Variants in LGI2 observed in about 807,000 individuals in gnomAD.
LGI2 encodes leucine-rich repeat LGI family member 2.
Under a neutral mutation model 52.0 loss-of-function variants are expected in LGI2, and 30 were observed. The ratio of observed to expected loss-of-function variants is 0.58; its 90% confidence interval spans 0.43 to 0.78. The LOEUF is 0.78. Ranked by LOEUF, LGI2 falls within the 30% of genes least tolerant of loss-of-function variation. The pLI is 0.00. For synonymous variants in LGI2, 270 were observed against 271.8 expected, an observed-to-expected ratio of 0.99 and a Z score of 0.06; for missense variants, 573 against 692.5, an observed-to-expected ratio of 0.83 and a Z score of 1.94.
chr4:25,008,165 T>C (rs7666435), intron 7 of LGI2, among the ~76,000 whole-genome samples: 14,150 of 152,200 alleles, frequency 0.093, 1,058 homozygotes, highest in African/African-American at 0.21. Context: ...ATTCCCTACG[T>C]TCATGCAAGT....
At chr4:24,993,364 GA>G in the LGI2 span, among the ~76,000 whole-genome samples, 1 of 152,184 alleles carries the variant, frequency 6.6e-6, no homozygotes, top group Non-Finnish European at 1.5e-5. Flanking sequence ...ATGGGGATAT[GA>G]AAGTGGCTGC....
At chr4:25,016,876 T>C (rs1725780318) in intron 6 of LGI2, among the ~76,000 whole-genome samples, 1 of 152,180 alleles carries the variant, frequency 6.6e-6, no homozygotes, top group Admixed American at 6.5e-5. Flanking sequence ...TCAGCCTGAA[T>C]GTTTATTTTT....
At chr4:25,015,416 G>T (rs1454290239) in intron 6 of LGI2, among the ~76,000 whole-genome samples, 1 of 152,002 alleles carries the variant, frequency 6.6e-6, no homozygotes, top group Non-Finnish European at 1.5e-5. Context: ...GAAGGGGAGG[G>T]TTCAAGAGCT....
downstream of LGI2, among the ~76,000 whole-genome samples, chr4:24,994,992 C>A (rs1354558197): frequency 3.3e-5 from 5 of 152,202 alleles, no homozygotes; most frequent in African/African-American, 1.2e-4. Flanking sequence ...ACATTCAATT[C>A]CCAGTCAAGA....
chr4:25,008,014 C>G (rs748431745), intron 7 of LGI2, among the ~76,000 whole-genome samples: 1 of 152,218 alleles, frequency 6.6e-6, no homozygotes, highest in African/African-American at 2.4e-5. Context: ...TGCCTACCCA[C>G]GTGTGCTATA....
chr4:25,021,958 C>T (rs1351426799), intron 4 of LGI2, among the ~76,000 whole-genome samples: 4 of 150,926 alleles, frequency 2.7e-5, no homozygotes, highest in Admixed American at 1.3e-4. Flanking sequence ...AACAAAGCCA[C>T]CTGACTTGTC....
rs2232027 is a variant in LGI2 at position 25,003,734 on chromosome 4, T to C, written c.1355A>G (p.Gln452Arg). 64,637 of 1,614,148 alleles carry C rather than the reference T, an allele frequency of 0.04. 1,450 individuals carry two copies. The highest frequency in any genetic ancestry group is 0.044 in the Non-Finnish European group (52,357 of 1,180,018). The change falls in exon 8 of 8, where the codon CAG becomes CGG. Residue 452 changes from glutamine to arginine, a missense_variant. Gln to Arg is a conservative substitution (Grantham distance 43). Coordinates refer to ENST00000382114, the MANE Select transcript of LGI2 (RefSeq NM_018176.4). Reference sequence around the variant, plus strand: ...TGGAAGAGCTTGGATCTCCACAAACTGCTTACTGTTCCACCTCATGACCCG... The same window carrying C: ...TGGAAGAGCTTGGATCTCCACAAACCGCTTACTGTTCCACCTCATGACCCG... Reference protein sequence around the residue: ...DSRVMRWNSKQFVEIQALPSR... With the variant: ...DSRVMRWNSKRFVEIQALPSR...
chr4:25,019,920 C>T (rs752893923), intron 4 of LGI2, among the ~76,000 whole-genome samples: 4 of 152,222 alleles, frequency 2.6e-5, no homozygotes, highest in Non-Finnish European at 5.9e-5. Flanking sequence ...CTGTCCACTG[C>T]TGTATCCCCA....
rs780656808 is a variant in LGI2 at position 25,026,951 on chromosome 4, A to T, written c.270-12T>A. ...TAGAATTCAGCAATCTGAAAGTAAG[A>T]GACAGATTCCAATGGAGAGATGTAA... On this transcript the variant is annotated splice_polypyrimidine_tract_variant and intron_variant, in intron 2 of 7. Transcript: ENST00000382114. The T allele has an allele frequency of 6.2e-7, 1 of 1,600,056 alleles. No individual in the cohort carries two copies.
At chr4:24,996,416 T>C (rs982219380), downstream of LGI2, among the ~76,000 whole-genome samples, 2 of 152,192 alleles carry the variant, frequency 1.3e-5, no homozygotes, top group Non-Finnish European at 2.9e-5. Context: ...CAAGACGCTA[T>C]AATCCAAAGA....
At chr4:25,029,068 C>T (rs1484043924) in intron 1 of LGI2, among the ~76,000 whole-genome samples, 3 of 152,186 alleles carry the variant, frequency 2.0e-5, no homozygotes, top group Non-Finnish European at 4.4e-5. Flanking sequence ...TCACAGACAC[C>T]TGAACTCCCC....
Position 25,004,525 on chromosome 4 carries a change from G to T in LGI2, c.821-257C>A, listed in dbSNP as rs1483768571. Among the ~76,000 whole-genome samples the T allele has an allele frequency of 2.0e-5, 3 of 152,196 alleles. No homozygotes were observed. Among genetic ancestry groups the T allele is most frequent in the African/African-American group, 7.2e-5 (3 of 41,434 alleles). ...ACCTAATGCTATAGACCAAATGTTT[G>T]TGCTCTCTCCAAATGCATATGATGA... On this transcript the variant is annotated intron_variant, in intron 7 of 7. Coordinates refer to ENST00000382114, the MANE Select transcript of LGI2 (RefSeq NM_018176.4). The surrounding 1 kb of genome is among the most constrained non-coding windows in gnomAD (Gnocchi z 4.6).
chr4:25,008,245 T>C (rs1455043401), intron 7 of LGI2, among the ~76,000 whole-genome samples: 1 of 152,146 alleles, frequency 6.6e-6, no homozygotes, highest in Non-Finnish European at 1.5e-5. Flanking sequence ...GCTCCTATTT[T>C]ACCCCCATTA....
At chr4:25,007,585 G>A (rs1201822945) in intron 7 of LGI2, among the ~76,000 whole-genome samples, 1 of 50,526 alleles carries the variant, frequency 2.0e-5, no homozygotes, top group African/African-American at 7.2e-5. Flanking sequence ...ATCAGTGTGT[G>A]TGTGTGTGTG....
rs377517639 is a variant in LGI2, at chr4:25,003,361, G to A, written c.*90C>T. The A allele has an allele frequency of 3.3e-6, 3 of 918,338 alleles. No homozygotes were observed. The highest frequency in any genetic ancestry group is 2.6e-5 in the East Asian group (1 of 38,808). 56.9% of individuals were successfully genotyped at this position (918,338 alleles called of 1,614,324 possible). On this transcript the variant is annotated 3_prime_UTR_variant, in exon 8 of 8. Transcript: ENST00000382114. ...CAGTGCTTTTTAATTTCAGAGCTCT[G>A]AGCCTGGCTTTGATTTGTTTGTTGA...
intron 2 of LGI2, 63 bp from the exon 3 acceptor site, chr4:25,027,002 TTC>T: frequency 8.1e-7 from 1 of 1,240,548 alleles, no homozygotes. Flanking sequence ...GTAAAGCCAT[TTC>T]TCTTTCCTTT....
Position 24,999,899 on chromosome 4 carries a change from T to C in LGI2, c.*3552A>G, listed in dbSNP as rs1343494556. The C allele has an allele frequency of 4.4e-6, 2 of 456,012 alleles. No homozygotes were observed. The highest frequency in any genetic ancestry group is 3.1e-5 in the South Asian group (2 of 64,490). The allele number at this position is 456,012 out of a possible 1,614,324, so 28.2% of individuals were successfully genotyped here. On this transcript the variant is annotated 3_prime_UTR_variant, in exon 8 of 8. Coordinates refer to ENST00000382114, the MANE Select transcript of LGI2 (RefSeq NM_018176.4). Reference sequence around the variant, plus strand: ...GAATTTTTCCTTCACAGATCTCTTCTTGTTTATCTGGTGGACAATGTGACA... The same window carrying C: ...GAATTTTTCCTTCACAGATCTCTTCCTGTTTATCTGGTGGACAATGTGACA...
chr4:25,019,654 G>A (rs959969513), intron 4 of LGI2, among the ~76,000 whole-genome samples: 1 of 152,118 alleles, frequency 6.6e-6, no homozygotes, highest in African/African-American at 2.4e-5. Context: ...TCCTCCAACA[G>A]GTGAGGCATG....
chr4:24,998,612 C>T (rs1425615754), downstream of LGI2, among the ~76,000 whole-genome samples: 2 of 151,994 alleles, frequency 1.3e-5, no homozygotes, highest in African/African-American at 4.8e-5. Flanking sequence ...ATTATAATTC[C>T]ACAGATCAGG....
Sources: gnomAD v4.1 joint callset for allele counts (sites outside exome capture counted in the v4.1 genomes callset) on GRCh38, gnomAD v4.1.1 for gene constraint, Gnocchi (gnomAD v3.1) non-coding constraint, MANE v1.5 for transcripts, NCBI Gene and HGNC (gene_info 2026-07-23, HGNC 2026-07-21) for gene names.